Variants in GLCE observed in about 807,000 individuals in gnomAD.
The protein encoded by GLCE is glucuronic acid epimerase.
In GLCE, 19 loss-of-function variants were observed where a neutral mutation model predicts 47.9. The ratio of observed to expected loss-of-function variants is 0.40; its 90% CI spans 0.28 to 0.58. GLCE has a LOEUF of 0.58. Among genes scored for constraint, GLCE ranks in the 20% least tolerant of loss-of-function variants. The pLI, the probability that GLCE is intolerant of heterozygous loss-of-function variation, is 0.48. For missense variants in GLCE, 556 were observed against 743.3 expected (o/e 0.75, Z 2.93); for synonymous variants, 245 against 263.4 (o/e 0.93, Z 0.68).
chr15:69,195,786 A>C (rs1209928175), intron 1 of GLCE, among the ~76,000 whole-genome samples: 1 of 151,950 alleles, frequency 6.6e-6, no homozygotes, highest in African/African-American at 2.4e-5. Flanking sequence ...CTATTAAATT[A>C]CTCCCCTATA....
At chr15:69,240,526 G>T (rs530357261) in intron 2 of GLCE, among the ~76,000 whole-genome samples, 1 of 152,158 alleles carries the variant, frequency 6.6e-6, no homozygotes, top group African/African-American at 2.4e-5. Flanking sequence ...TCATAAGGCA[G>T]CAGGTGGGGA....
intron 2 of GLCE, among the ~76,000 whole-genome samples, chr15:69,213,014 A>T (rs1323691203): frequency 6.6e-6 from 1 of 152,124 alleles, no homozygotes; most frequent in African/African-American, 2.4e-5. Flanking sequence ...ATTTGCTATC[A>T]AGAAAGGTAT....
intron 1 of GLCE, among the ~76,000 whole-genome samples, chr15:69,188,184 A>G (rs563603574): frequency 3.3e-5 from 5 of 152,256 alleles, no homozygotes; most frequent in African/African-American, 9.6e-5. Flanking sequence ...GAGGTTGCCA[A>G]GATTGCCACT....
chr15:69,243,621 A>G (rs1050751963), intron 2 of GLCE, among the ~76,000 whole-genome samples: 10 of 151,002 alleles, frequency 6.6e-5, no homozygotes, highest in Admixed American at 4.6e-4. Flanking sequence ...AATAGATTTG[A>G]CCTTTGCTGT....
At chr15:69,201,720 T>C (rs1416334881) in intron 1 of GLCE, among the ~76,000 whole-genome samples, 1 of 151,428 alleles carries the variant, frequency 6.6e-6, no homozygotes, top group Admixed American at 6.6e-5. Context: ...TTCTATTTTC[T>C]GCTTCAAAAG....
At chr15:69,247,466 C>T (rs1236447158) in intron 2 of GLCE, among the ~76,000 whole-genome samples, 1 of 152,210 alleles carries the variant, frequency 6.6e-6, no homozygotes, top group Admixed American at 6.5e-5. Context: ...GAATTTTCTC[C>T]ATTATCAGCA....
chr15:69,257,778 G>A (rs1055594876), intron 3 of GLCE, among the ~76,000 whole-genome samples: 3 of 151,734 alleles, frequency 2.0e-5, no homozygotes, highest in African/African-American at 4.8e-5. Context: ...TAGCATAATC[G>A]TAATGATGTT....
At chr15:69,199,892 A>G (rs1365740167) in intron 1 of GLCE, among the ~76,000 whole-genome samples, 4 of 152,168 alleles carry the variant, frequency 2.6e-5, no homozygotes, top group Admixed American at 2.6e-4. Context: ...AAAAAGAATT[A>G]GTGTGCTTGA....
At chr15:69,226,967 C>T (rs1387281609) in intron 2 of GLCE, among the ~76,000 whole-genome samples, 1 of 151,746 alleles carries the variant, frequency 6.6e-6, no homozygotes, top group Non-Finnish European at 1.5e-5. Flanking sequence ...CTGGTCTCGA[C>T]CTCCTGACCT....
intron 2 of GLCE, among the ~76,000 whole-genome samples, chr15:69,213,220 A>G (rs1362532421): frequency 6.6e-6 from 1 of 152,092 alleles, no homozygotes; most frequent in Non-Finnish European, 1.5e-5. Flanking sequence ...GATCAGAACT[A>G]AATAATCAAT....
At chr15:69,239,122 A>T (rs1157976810) in intron 2 of GLCE, among the ~76,000 whole-genome samples, 1 of 152,188 alleles carries the variant, frequency 6.6e-6, no homozygotes, top group Non-Finnish European at 1.5e-5. Flanking sequence ...GCTGCCTAGA[A>T]CAGAGGTGCC....
intron 1 of GLCE, among the ~76,000 whole-genome samples, chr15:69,164,188 A>G (rs1018342816): frequency 1.3e-5 from 2 of 152,082 alleles, no homozygotes; most frequent in African/African-American, 4.8e-5. Context: ...TGATAGATAT[A>G]TTTTGCTTGT....
intron 2 of GLCE, among the ~76,000 whole-genome samples, chr15:69,229,632 T>C (rs1399123581): frequency 6.6e-6 from 1 of 152,082 alleles, no homozygotes; most frequent in African/African-American, 2.4e-5. Context: ...GGTTTTTTTG[T>C]TTTTTTAAAG....
intron 2 of GLCE, among the ~76,000 whole-genome samples, chr15:69,224,935 CTG>C (rs2052425229): frequency 6.6e-6 from 1 of 152,144 alleles, no homozygotes; most frequent in African/African-American, 2.4e-5. Context: ...TTGAATCCCT[CTG>C]TGATTTCTTA....
intron 1 of GLCE, among the ~76,000 whole-genome samples, chr15:69,190,504 C>T (rs1296112193): frequency 6.6e-6 from 1 of 152,084 alleles, no homozygotes; most frequent in East Asian, 1.9e-4. Context: ...TTGATGAATT[C>T]ATCCCTTTAC....
At chr15:69,183,134 T>G (rs936010209) in intron 1 of GLCE, among the ~76,000 whole-genome samples, 1 of 152,184 alleles carries the variant, frequency 6.6e-6, no homozygotes, top group African/African-American at 2.4e-5. Flanking sequence ...CTAGATCTAC[T>G]GAAGGGCAGA....
intron 1 of GLCE, among the ~76,000 whole-genome samples, chr15:69,189,479 A>C (rs2051882086): frequency 1.3e-5 from 2 of 152,198 alleles, no homozygotes; most frequent in Admixed American, 1.3e-4. Flanking sequence ...AAGTTTGGGC[A>C]ATTATGAATA....
chr15:69,213,205 A>C (rs1332318190), intron 2 of GLCE, among the ~76,000 whole-genome samples: 1 of 152,110 alleles, frequency 6.6e-6, no homozygotes, highest in Non-Finnish European at 1.5e-5. Flanking sequence ...TAACCATGGT[A>C]TAATGATCAG....
intron 2 of GLCE, among the ~76,000 whole-genome samples, chr15:69,210,753 C>A (rs946335884): frequency 6.6e-6 from 1 of 152,126 alleles, no homozygotes; most frequent in Admixed American, 6.6e-5. Context: ...CAGGAGTCAG[C>A]AAACTATGGC....
Sources: gnomAD v4.1 joint callset for allele counts (sites outside exome capture counted in the v4.1 genomes callset) on GRCh38, gnomAD v4.1.1 for gene constraint, MANE v1.5 for transcripts, NCBI Gene and HGNC (gene_info 2026-07-23, HGNC 2026-07-21) for gene names.